Variants in LAMA2 observed in about 807,000 individuals in gnomAD.
The protein encoded by LAMA2 is laminin subunit alpha-2.
In LAMA2, 269 loss-of-function variants were observed where a neutral mutation model predicts 364.8. The observed-to-expected ratio is 0.74, with a 90% CI of 0.67 to 0.82. The LOEUF (loss-of-function observed/expected upper bound fraction) is 0.82, where lower values mean the gene tolerates loss of function less well. Among genes scored for constraint, LAMA2 ranks in the 40% least tolerant of loss-of-function variants. LAMA2 has a pLI of 0.00. For synonymous variants in LAMA2, 1,379 were observed against 1,370.6 expected (o/e 1.01, Z -0.14); for missense variants, 3,807 against 3,873.2 (o/e 0.98, Z 0.45).
chr6:129,405,558 T>C (rs1301922857), intron 40 of LAMA2, among the ~76,000 whole-genome samples: 1 of 152,034 alleles, frequency 6.6e-6, no homozygotes, highest in East Asian at 1.9e-4. Context: ...CCACAATCAT[T>C]TAAAAATAAT....
intron 12 of LAMA2, among the ~76,000 whole-genome samples, chr6:129,200,355 T>TATACATATACAC (rs1782182359): frequency 6.9e-6 from 1 of 145,224 alleles, no homozygotes; most frequent in Admixed American, 6.9e-5. Context: ...TGTGTACACA[T>TATACATATACAC]ATACATATAC....
intron 34 of LAMA2, among the ~76,000 whole-genome samples, chr6:129,378,861 G>T (rs1778520267): frequency 6.6e-6 from 1 of 152,164 alleles, no homozygotes; most frequent in African/African-American, 2.4e-5. Context: ...AATTCAGGAA[G>T]AGTAAGTGAG....
intron 21 of LAMA2, among the ~76,000 whole-genome samples, chr6:129,299,647 C>T (rs1773423652): frequency 6.6e-6 from 1 of 152,112 alleles, no homozygotes; most frequent in African/African-American, 2.4e-5. Flanking sequence ...ATGAAGGACA[C>T]ATCTAAAATA....
At chr6:129,158,304 C>T in intron 8 of LAMA2, 2 of 1,614,056 alleles carry the variant, frequency 1.2e-6, no homozygotes, top group Non-Finnish European at 1.7e-6. Context: ...TTCTGTTTCT[C>T]GAAACCAGCT....
At chr6:128,983,995 G>A (rs141683882) in intron 1 of LAMA2, among the ~76,000 whole-genome samples, 36 of 152,028 alleles carry the variant, frequency 2.4e-4, no homozygotes, top group Admixed American at 5.9e-4. Flanking sequence ...TTTTTCCTTC[G>A]CTAAACTGAA....
At chr6:129,299,598 A>G (rs1267303759) in intron 21 of LAMA2, among the ~76,000 whole-genome samples, 1 of 152,188 alleles carries the variant, frequency 6.6e-6, no homozygotes, top group Non-Finnish European at 1.5e-5. Context: ...ATTTTTTAGC[A>G]TATAAATTTA....
At chr6:129,313,711 T>C (rs183478601) in intron 23 of LAMA2, among the ~76,000 whole-genome samples, 10 of 152,264 alleles carry the variant, frequency 6.6e-5, no homozygotes, top group Admixed American at 6.5e-4. Context: ...CCAGGATAAA[T>C]GCAGTTTAAA....
intron 35 of LAMA2, among the ~76,000 whole-genome samples, chr6:129,387,374 A>C (rs771341318): frequency 6.6e-6 from 1 of 152,242 alleles, no homozygotes; most frequent in Non-Finnish European, 1.5e-5. Flanking sequence ...GACACCAGTC[A>C]GATTGGTAAT....
chr6:129,412,770 C>T (rs1780598707), intron 40 of LAMA2, among the ~76,000 whole-genome samples: 1 of 152,062 alleles, frequency 6.6e-6, no homozygotes. Flanking sequence ...AGTGTAGCCT[C>T]CAAGGCAGGG....
chr6:129,197,374 A>G lies in LAMA2; in HGVS notation c.1782+4521A>G, dbSNP rs75833787. 1.0e-3 allele frequency among the ~76,000 whole-genome samples: 152 copies of G among 152,260 alleles called. 1 individual carries two copies. In the Middle Eastern group the frequency reaches 0.027, roughly 27 times the overall value. ...CATGACAAGAACCGTGGCTTCCACA[A>G]CCCACTCTCTTAACTCAAGCTGACT... is the stretch of plus-strand genomic sequence containing the variant. On this transcript the variant is annotated intron_variant, in intron 12 of 64. Transcript: ENST00000421865.
intron 4 of LAMA2, among the ~76,000 whole-genome samples, chr6:129,142,981 C>A (rs1380752229): frequency 6.6e-6 from 1 of 151,836 alleles, no homozygotes; most frequent in East Asian, 1.9e-4. Flanking sequence ...TACAAGAGTT[C>A]TTTGAGTATT....
intron 1 of LAMA2, among the ~76,000 whole-genome samples, chr6:129,022,685 A>G (rs1467928491): frequency 6.6e-6 from 1 of 152,180 alleles, no homozygotes; most frequent in East Asian, 1.9e-4. Context: ...AACATAACTC[A>G]CAGCTGTAGA....
intron 37 of LAMA2, among the ~76,000 whole-genome samples, chr6:129,394,505 A>G (rs561674456): frequency 1.1e-4 from 17 of 152,268 alleles, no homozygotes; most frequent in African/African-American, 3.8e-4. Flanking sequence ...GAAGAGGCTT[A>G]CTTTTTTTCT....
At chr6:129,473,448 A>T in intron 52 of LAMA2, 96 bp downstream of exon 52, 11 of 1,223,654 alleles carry the variant, frequency 9.0e-6, no homozygotes, top group Non-Finnish European at 1.3e-5. Context: ...TAAGAATGTC[A>T]TATAACCCTT....
intron 18 of LAMA2, among the ~76,000 whole-genome samples, chr6:129,282,970 G>A (rs962524818): frequency 4.6e-5 from 7 of 152,122 alleles, no homozygotes; most frequent in Admixed American, 6.6e-5. Context: ...AGGGGGTGAA[G>A]AGAAACAGTG....
chr6:129,295,534 C>T (rs987904751), intron 20 of LAMA2, among the ~76,000 whole-genome samples: 24 of 152,128 alleles, frequency 1.6e-4, no homozygotes, highest in Non-Finnish European at 2.8e-4. Flanking sequence ...CATTTTATTA[C>T]TGAAATTTGG....
At chr6:129,479,667 C>A (rs1428342137) in intron 54 of LAMA2, 1 of 152,092 alleles carries the variant, frequency 6.6e-6, no homozygotes, top group African/African-American at 2.4e-5. Flanking sequence ...TTCATTTTGT[C>A]TGCTGCTTCT....
intron 32 of LAMA2, among the ~76,000 whole-genome samples, chr6:129,359,895 T>C (rs988079571): frequency 3.3e-5 from 5 of 152,134 alleles, no homozygotes; most frequent in Non-Finnish European, 5.9e-5. Context: ...TTTGTGCTAA[T>C]TGCTAACAGA....
Position 129,022,701 on chromosome 6 carries a change from C to A in LAMA2, c.113-27217C>A, listed in dbSNP as rs181827993. 2.8e-3 allele frequency among the ~76,000 whole-genome samples: 430 copies of A among 152,288 alleles called. 2 individuals carry two copies. Among genetic ancestry groups the A allele is most frequent in the Middle Eastern group, 6.8e-3 (2 of 294 alleles). Reference sequence around the variant, plus strand: ...ACATAACTCACAGCTGTAGACTTTTCCTTTCAATAATAAGCAAAAACAATT... The same window carrying A: ...ACATAACTCACAGCTGTAGACTTTTACTTTCAATAATAAGCAAAAACAATT... On this transcript the variant is annotated intron_variant, in intron 1 of 64. Coordinates refer to ENST00000421865, the MANE Select transcript of LAMA2 (RefSeq NM_000426.4).
Sources: allele counts gnomAD v4.1 joint callset (sites outside exome capture counted in the v4.1 genomes callset), GRCh38; gene constraint gnomAD v4.1.1; transcripts MANE v1.5; gene names NCBI Gene and HGNC (gene_info 2026-07-23, HGNC 2026-07-21).